XPR1: variants seen among roughly 807,000 people sequenced by gnomAD.
The protein encoded by XPR1 is xenotropic and polytropic retrovirus receptor 1.
XPR1 carries 28 observed loss-of-function variants against 87.5 expected under a neutral mutation model. The ratio of observed to expected loss-of-function variants is 0.32; its 90% CI spans 0.24 to 0.44. XPR1 has a LOEUF of 0.44. Among genes scored for constraint, XPR1 ranks in the 20% least tolerant of loss-of-function variants. XPR1 has a pLI of 1.00. For synonymous variants in XPR1, 300 were observed against 306.1 expected (o/e 0.98, Z 0.21); for missense variants, 559 against 862.3 (o/e 0.65, Z 4.41).
rs1036827006 is a variant in XPR1, at chr1:180,886,406, T to C, written c.*2340T>C. On this transcript the variant is annotated 3_prime_UTR_variant, in exon 15 of 15. Coordinates refer to ENST00000367590, the MANE Select transcript of XPR1 (RefSeq NM_004736.4). ...TAGTGAATCTCTATGATGGCACACA[T>C]AAAATCTTACAGTTGACTTCTGCTG... 14 of 152,248 alleles carry C rather than the reference T, an allele frequency of 9.2e-5. No individual in the cohort carries two copies. The highest frequency in any genetic ancestry group is 2.1e-4 in the South Asian group (1 of 4,834). 9.4% of individuals were successfully genotyped at this position (152,248 alleles called of 1,614,324 possible). A position where few individuals can be genotyped will look rare whatever the true frequency, so the allele number is the denominator to read the frequency against.
At chr1:180,827,567 A>G (rs1423005189) in intron 9 of XPR1, among the ~76,000 whole-genome samples, 1 of 152,216 alleles carries the variant, frequency 6.6e-6, no homozygotes, top group African/African-American at 2.4e-5. Context: ...TGACAATGGT[A>G]TAAGCAGTAA....
chr1:180,641,997 A>G (rs946527549), intron 1 of XPR1, among the ~76,000 whole-genome samples: 1 of 152,190 alleles, frequency 6.6e-6, no homozygotes, highest in Non-Finnish European at 1.5e-5. Context: ...ATTTATCTGT[A>G]TCTAATCCAT....
At chr1:180,828,810 C>G (rs1650954286) in intron 9 of XPR1, among the ~76,000 whole-genome samples, 1 of 152,088 alleles carries the variant, frequency 6.6e-6, no homozygotes, top group Non-Finnish European at 1.5e-5. Flanking sequence ...ATAATCTGTA[C>G]TCTTAAACAC....
At chr1:180,699,612 CATT>C (rs1557963388) in intron 2 of XPR1, among the ~76,000 whole-genome samples, 1 of 107,442 alleles carries the variant, frequency 9.3e-6, no homozygotes, top group Non-Finnish European at 1.8e-5. Flanking sequence ...TCCAGTCTAT[CATT>C]GTTGGACATT....
At chr1:180,652,067 G>A (rs564118525) in intron 1 of XPR1, among the ~76,000 whole-genome samples, 34 of 152,266 alleles carry the variant, frequency 2.2e-4, no homozygotes, top group Non-Finnish European at 2.9e-4. Flanking sequence ...CAAGGCGCGC[G>A]GATCACATGA....
intron 2 of XPR1, among the ~76,000 whole-genome samples, chr1:180,748,091 C>G (rs1647336353): frequency 1.3e-5 from 2 of 152,054 alleles, no homozygotes; most frequent in Admixed American, 1.3e-4. Flanking sequence ...TCATCCATAC[C>G]CCAGCTTGAA....
intron 13 of XPR1, among the ~76,000 whole-genome samples, chr1:180,874,959 A>G (rs976088084): frequency 1.3e-5 from 2 of 152,242 alleles, no homozygotes; most frequent in African/African-American, 4.8e-5. Context: ...TCCTTCAGTG[A>G]TAGATAAATA....
Position 180,633,321 on chromosome 1 carries a change from T to C in XPR1, c.69+1051T>C, listed in dbSNP as rs980410205. Among the ~76,000 whole-genome samples the C allele has an allele frequency of 1.2e-4, 18 of 152,240 alleles. No individual in the cohort carries two copies. The East Asian group carries it at 1.3e-3, about 11-fold the overall frequency. On this transcript the variant is annotated intron_variant, in intron 1 of 14. Coordinates refer to ENST00000367590, the MANE Select transcript of XPR1 (RefSeq NM_004736.4). Reference sequence around the variant, plus strand: ...TCCTGGATAGAGAAAGACAGACTTATCTGTAACCTCCAGGAATTCACATCT... The same window carrying C: ...TCCTGGATAGAGAAAGACAGACTTACCTGTAACCTCCAGGAATTCACATCT...
At chr1:180,813,289 G>C (rs1035869439) in intron 7 of XPR1, among the ~76,000 whole-genome samples, 2 of 152,060 alleles carry the variant, frequency 1.3e-5, no homozygotes, top group African/African-American at 2.4e-5. Context: ...CTCTGCAGTT[G>C]CCTAAAGAGC....
At chr1:180,655,599 A>T (rs923217755) in intron 1 of XPR1, among the ~76,000 whole-genome samples, 1 of 151,726 alleles carries the variant, frequency 6.6e-6, no homozygotes, top group Non-Finnish European at 1.5e-5. Context: ...ATTTTAAAAA[A>T]TTTTCATGAA....
At chr1:180,881,200 G>A (rs1652843070) in intron 14 of XPR1, among the ~76,000 whole-genome samples, 2 of 151,806 alleles carry the variant, frequency 1.3e-5, no homozygotes, top group Admixed American at 6.6e-5. Flanking sequence ...GTCTCGCTCT[G>A]TTGCCCAGGC....
In XPR1 at chr1:180,861,826, G is replaced by A. The variant is rs563783963; in HGVS notation, c.1502-1882G>A. On this transcript the variant is annotated intron_variant, in intron 11 of 14. Coordinates refer to ENST00000367590, the MANE Select transcript of XPR1 (RefSeq NM_004736.4). ...ATTCCTAGTGTTTGCTGATTTCCACGGTGTAAATACTTCCACTATAGCCAA... is the reference window on the plus strand; with the variant it reads ...ATTCCTAGTGTTTGCTGATTTCCACAGTGTAAATACTTCCACTATAGCCAA... Among the ~76,000 whole-genome samples the A allele has an allele frequency of 5.3e-5, 8 of 152,078 alleles. No homozygotes were observed. The South Asian group carries it at 8.3e-4, about 16-fold the overall frequency.
chr1:180,650,150 C>T (rs979828930), intron 1 of XPR1, among the ~76,000 whole-genome samples: 4 of 151,560 alleles, frequency 2.6e-5, no homozygotes, highest in African/African-American at 9.8e-5. Context: ...CCTCGATTGT[C>T]ATTTTAGTGG....
At chr1:180,688,315 C>G (rs553116322) in intron 2 of XPR1, among the ~76,000 whole-genome samples, 37 of 151,802 alleles carry the variant, frequency 2.4e-4, no homozygotes, top group Non-Finnish European at 4.1e-4. Flanking sequence ...TCTCGAACTC[C>G]TGACCTCAAG....
intron 9 of XPR1, among the ~76,000 whole-genome samples, chr1:180,833,742 A>G (rs1651163449): frequency 6.6e-6 from 1 of 152,246 alleles, no homozygotes; most frequent in South Asian, 2.1e-4. Flanking sequence ...TGAATACATT[A>G]TAATTTTTAA....
At chr1:180,852,574 G>T (rs1174782745) in intron 11 of XPR1, among the ~76,000 whole-genome samples, 1 of 151,914 alleles carries the variant, frequency 6.6e-6, no homozygotes, top group Non-Finnish European at 1.5e-5. Context: ...TTTGAGACAG[G>T]GTCTCACTCT....
At chr1:180,632,308 G>A (rs369010336) in intron 1 of XPR1, 38 bp downstream of exon 1, 5 of 1,594,114 alleles carry the variant, frequency 3.1e-6, no homozygotes, top group East Asian at 4.6e-5. Context: ...ACTCGGAGGG[G>A]CCACCATCTC....
chr1:180,688,117 C>T (rs1656852016), intron 2 of XPR1, among the ~76,000 whole-genome samples: 1 of 144,688 alleles, frequency 6.9e-6, no homozygotes, highest in South Asian at 2.2e-4. Flanking sequence ...GTGGCGTGAT[C>T]TCGGCTCGCT....
intron 2 of XPR1, among the ~76,000 whole-genome samples, chr1:180,697,934 A>C (rs1203608198): frequency 6.6e-6 from 1 of 152,112 alleles, no homozygotes; most frequent in Non-Finnish European, 1.5e-5. Context: ...CTGTTGGGTG[A>C]AATGTTCTAT....
Sources: allele counts gnomAD v4.1 joint callset (sites outside exome capture counted in the v4.1 genomes callset), GRCh38; gene constraint gnomAD v4.1.1; transcripts MANE v1.5; gene names NCBI Gene and HGNC (gene_info 2026-07-23, HGNC 2026-07-21).